The following ADGRD1 variants were observed in gnomAD, a reference collection of about 807,000 sequenced individuals.
ADGRD1 encodes G-protein coupled receptor 133.
A neutral mutation model predicts 113.4 loss-of-function variants in ADGRD1; 77 were observed. The observed-to-expected ratio is 0.68, with a 90% CI of 0.57 to 0.82. ADGRD1 has a LOEUF of 0.82. Among genes scored for constraint, ADGRD1 ranks in the 40% least tolerant of loss-of-function variants. The pLI, the probability that ADGRD1 is intolerant of heterozygous loss-of-function variation, is 0.00. For synonymous variants in ADGRD1, 474 were observed against 475.0 expected, an observed-to-expected ratio of 1.00 and a Z score of 0.03; for missense variants, 1,036 against 1,139.1, an observed-to-expected ratio of 0.91 and a Z score of 1.30.
At chr12:130,990,878 C>G (rs1273801359) in intron 6 of ADGRD1, 136 bp from the exon 7 acceptor site, 1 of 619,200 alleles carries the variant, frequency 1.6e-6, no homozygotes, top group East Asian at 2.9e-5. Context: ...TTATCTCCAG[C>G]AACATTCCTA....
rs747476525 is a variant in ADGRD1, at chr12:130,971,756, A to C, written c.310+176A>C. On this transcript the variant is annotated intron_variant, in intron 4 of 24. Coordinates refer to ENST00000261654, the MANE Select transcript of ADGRD1 (RefSeq NM_198827.5). This position sits in a 1 kb window ranked among gnomAD's most constrained non-coding sequence, Gnocchi z 4.2. ...AGGAATACAGGCAAGGAGGTTACTA[A>C]GCAGAGACTTGTCCTGGTGGCTGGA... is the stretch of plus-strand genomic sequence containing the variant. Among the ~76,000 whole-genome samples, 1 of 152,248 alleles carries C rather than the reference A, an allele frequency of 6.6e-6. No individual in the cohort carries two copies. The highest frequency in any genetic ancestry group is 1.5e-5 in the Non-Finnish European group (1 of 68,044).
chr12:130,968,261 A>G (rs1871240635), intron 3 of ADGRD1: 1 of 152,304 alleles, frequency 6.6e-6, no homozygotes, highest in African/African-American at 2.4e-5. Context: ...CTGTGGCTGA[A>G]TTTTGCTCCC....
Position 131,022,045 on chromosome 12 carries a change from GC to G in ADGRD1, c.1473+7707del, listed in dbSNP as rs1398394812. On this transcript the variant is annotated intron_variant, in intron 13 of 24. Coordinates refer to ENST00000261654, the MANE Select transcript of ADGRD1 (RefSeq NM_198827.5). The surrounding 1 kb of genome is among the most constrained non-coding windows in gnomAD (Gnocchi z 4.6). Reference sequence around the variant, plus strand: ...AGGATACTGGTCACGTTGGATTAGGGCCTACTCTAATGACCTCATTTTATCT... The same window carrying G: ...AGGATACTGGTCACGTTGGATTAGGGCTACTCTAATGACCTCATTTTATCT... 1.3e-5 allele frequency among the ~76,000 whole-genome samples: 2 copies of G among 152,082 alleles called. No homozygotes were observed. Among genetic ancestry groups the G allele is most frequent in the African/African-American group, 4.8e-5 (2 of 41,402 alleles).
rs1490512783 is a variant in ADGRD1 at position 131,017,287 on chromosome 12, TGCACACA to T, written c.1473+2949_1473+2955del. On this transcript the variant is annotated intron_variant, in intron 13 of 24. Coordinates refer to ENST00000261654, the MANE Select transcript of ADGRD1 (RefSeq NM_198827.5). ...ACACACCCAGTCCACACACACCCAG[TGCACACA>T]GTCCACACACACCCAGTCCACACAC... 9.0e-5 allele frequency among the ~76,000 whole-genome samples: 10 copies of T among 111,530 alleles called. No homozygotes were observed. The South Asian group carries it at 1.6e-3, about 18-fold the overall frequency. 73.2% of individuals were successfully genotyped at this position (111,530 alleles called of 152,430 possible). A position where few individuals can be genotyped will look rare whatever the true frequency, so the allele number is the denominator to read the frequency against.
At chr12:131,010,528 A>G (rs1877737689) in intron 12 of ADGRD1, among the ~76,000 whole-genome samples, 1 of 152,088 alleles carries the variant, frequency 6.6e-6, no homozygotes. Flanking sequence ...ACAGGCTGGG[A>G]AGTCTCTGTG....
At position 131,131,789 on chromosome 12, in the gene ADGRD1, A is replaced by G. The variant is rs1950936233; in HGVS notation, c.2240A>G (p.Lys747Arg). The G allele has an allele frequency of 1.2e-6, 2 of 1,612,716 alleles. No homozygotes were observed. The highest frequency in any genetic ancestry group is 1.1e-5 in the South Asian group (1 of 91,034). ...VISQISADNY[K>R]IHGDPSAFKL... The stretch of plus-strand genomic sequence containing the variant: ...TCACAGATCAGCGCCGACAACTACA[A>G]GATCCATGGAGACCCCAGTGCCTTC... Residue 747 changes from lysine (K) to arginine (R), a missense_variant, in exon 21 of 25, where the codon AAG becomes AGG. Coordinates refer to ENST00000261654, the MANE Select transcript of ADGRD1 (RefSeq NM_198827.5).
intron 8 of ADGRD1, among the ~76,000 whole-genome samples, chr12:130,996,232 C>CG (rs558408454): frequency 7.1e-6 from 1 of 140,758 alleles, no homozygotes; most frequent in Non-Finnish European, 1.5e-5. Flanking sequence ...CCACCTTTCC[C>CG]CCTTTCTATT....
At chr12:131,010,676 G>A (rs531967241) in intron 12 of ADGRD1, among the ~76,000 whole-genome samples, 8 of 152,322 alleles carry the variant, frequency 5.3e-5, no homozygotes, top group Admixed American at 1.3e-4. Flanking sequence ...CCTGACCATC[G>A]GTGGGGCTCC....
chr12:131,131,898 C>T, intron 21 of ADGRD1, 82 bp downstream of exon 21: 1 of 866,456 alleles, frequency 1.2e-6, no homozygotes. Context: ...GAGATAGCCA[C>T]TCCTGCCTCC....
chr12:131,129,324 G>A (rs1450900941), intron 20 of ADGRD1, among the ~76,000 whole-genome samples: 1 of 138,178 alleles, frequency 7.2e-6, no homozygotes, highest in Non-Finnish European at 1.5e-5. Context: ...CTGGGTGTGA[G>A]TGACAGGCCT....
chr12:131,046,156 C>T, intron 13 of ADGRD1, among the ~76,000 whole-genome samples: 1 of 145,340 alleles, frequency 6.9e-6, no homozygotes, highest in African/African-American at 2.6e-5. Flanking sequence ...CGGTGTCCTC[C>T]CTGGTCAGTG....
rs549322608 is a variant in ADGRD1, at chr12:130,965,147, T to C, written c.104-1316T>C. 1.3e-5 allele frequency among the ~76,000 whole-genome samples: 2 copies of C among 152,344 alleles called. No individual in the cohort carries two copies. Among genetic ancestry groups the C allele is most frequent in the East Asian group, 3.9e-4 (2 of 5,190 alleles). On this transcript the variant is annotated intron_variant, in intron 2 of 24. Coordinates refer to ENST00000261654, the MANE Select transcript of ADGRD1 (RefSeq NM_198827.5). The surrounding 1 kb of genome is among the most constrained non-coding windows in gnomAD (Gnocchi z 4.8). Reference sequence around the variant, plus strand: ...TCTTGTTTTCATAAATATTTTCTTTTTGTTGGCTGCACTTAGGAGAACTCT... The same window carrying C: ...TCTTGTTTTCATAAATATTTTCTTTCTGTTGGCTGCACTTAGGAGAACTCT...
intron 15 of ADGRD1, among the ~76,000 whole-genome samples, chr12:131,087,732 C>T (rs1311718072): frequency 6.6e-6 from 1 of 152,222 alleles, no homozygotes; most frequent in African/African-American, 2.4e-5. Context: ...CCCACGCCCC[C>T]CCCATGCCTT....
intron 18 of ADGRD1, among the ~76,000 whole-genome samples, chr12:131,114,739 G>A (rs995928092): frequency 1.3e-5 from 2 of 151,830 alleles, no homozygotes; most frequent in Admixed American, 1.3e-4. Context: ...TGGGGTGGGG[G>A]GGCATCAAAT....
intron 18 of ADGRD1, among the ~76,000 whole-genome samples, chr12:131,110,323 G>A (rs1185905117): frequency 1.3e-5 from 2 of 148,870 alleles, no homozygotes; most frequent in East Asian, 2.0e-4. Flanking sequence ...ATTTCCTAGT[G>A]TAACACTTTA....
chr12:131,130,634 G>A (rs189979631), intron 20 of ADGRD1, among the ~76,000 whole-genome samples: 49 of 152,348 alleles, frequency 3.2e-4, no homozygotes, highest in Non-Finnish European at 5.4e-4. Context: ...AGGGTGAGGC[G>A]GGCTCAGCAG....
chr12:131,053,060 A>C (rs1253452385), intron 13 of ADGRD1, among the ~76,000 whole-genome samples: 2 of 152,356 alleles, frequency 1.3e-5, no homozygotes, highest in Admixed American at 1.3e-4. Flanking sequence ...CAGTGGGGCC[A>C]AATGATCCTT....
intron 13 of ADGRD1, among the ~76,000 whole-genome samples, chr12:131,018,685 C>T (rs1457498086): frequency 6.6e-6 from 1 of 152,212 alleles, no homozygotes; most frequent in East Asian, 1.9e-4. Flanking sequence ...GCCTTTTACA[C>T]ACAAAGGGCA....
chr12:130,987,857 A>G (rs1391264589), intron 6 of ADGRD1: 1 of 181,630 alleles, frequency 5.5e-6, no homozygotes, highest in African/African-American at 2.4e-5. Context: ...TCAAATTCAT[A>G]TATCATAAAC....
Sources: allele counts gnomAD v4.1 joint callset (sites outside exome capture counted in the v4.1 genomes callset), GRCh38; gene constraint gnomAD v4.1.1; non-coding constraint Gnocchi (gnomAD v3.1); transcripts MANE v1.5; gene names NCBI Gene and HGNC (gene_info 2026-07-23, HGNC 2026-07-21).